Variants in FAF1 observed in about 807,000 individuals in gnomAD.
FAF1 encodes the protein Fas associated factor 1.
In FAF1, 25 loss-of-function variants were observed where a neutral mutation model predicts 92.5. The ratio of observed to expected loss-of-function variants is 0.27; its 90% confidence interval spans 0.20 to 0.38. The LOEUF is 0.38. FAF1 is among the 10% of genes least tolerant of loss of function. The pLI is 1.00. For missense variants in FAF1, 636 were observed against 793.3 expected (o/e 0.80, Z 2.38); for synonymous variants, 234 against 273.2 (o/e 0.86, Z 1.42).
intron 7 of FAF1, among the ~76,000 whole-genome samples, chr1:50,687,164 A>G (rs1292639965): frequency 2.0e-5 from 3 of 152,112 alleles, no homozygotes; most frequent in African/African-American, 7.2e-5. Flanking sequence ...CCCAAGTGGC[A>G]TAATTCCCGA....
At chr1:50,525,832 T>A (rs1415066820) in intron 15 of FAF1, among the ~76,000 whole-genome samples, 2 of 152,212 alleles carry the variant, frequency 1.3e-5, no homozygotes, top group Non-Finnish European at 2.9e-5. Context: ...CAGATTATGT[T>A]GCATAATAAT....
chr1:50,883,899 C>T (rs1391964715), intron 1 of FAF1, among the ~76,000 whole-genome samples: 10 of 151,028 alleles, frequency 6.6e-5, no homozygotes, highest in South Asian at 2.1e-4. Flanking sequence ...GTGAGGCAGG[C>T]GGATCACCTG....
At chr1:50,578,259 C>A (rs575753880) in intron 12 of FAF1, among the ~76,000 whole-genome samples, 20 of 152,168 alleles carry the variant, frequency 1.3e-4, no homozygotes, top group Admixed American at 4.6e-4. Flanking sequence ...AATTAATGTA[C>A]CTCCCCTCCC....
rs1439244918 is a variant in FAF1 at position 50,439,843 on chromosome 1, T to C, written c.*1597A>G. The stretch of plus-strand genomic sequence containing the variant: ...AACACTTCCCCTGAAGGGAGACCCA[T>C]GGGTCTCTCAGCCTCCCTAGAGAGA... On this transcript the variant is annotated 3_prime_UTR_variant, in exon 19 of 19. Transcript: ENST00000396153. 2.0e-5 allele frequency: 3 copies of C among 152,144 alleles called. No homozygotes were observed. The allele number at this position is 152,144 out of a possible 1,614,324, so 9.4% of individuals were successfully genotyped here.
intron 12 of FAF1, among the ~76,000 whole-genome samples, chr1:50,580,840 T>C (rs1468617575): frequency 6.6e-6 from 1 of 152,164 alleles, no homozygotes; most frequent in African/African-American, 2.4e-5. Flanking sequence ...GGCATGATCT[T>C]GGCTCACTGC....
intron 13 of FAF1, among the ~76,000 whole-genome samples, chr1:50,554,364 AAT>A (rs149420376): frequency 0.044 from 5,115 of 116,986 alleles, 160 homozygotes; most frequent in Non-Finnish European, 0.058. Flanking sequence ...AAATGAGGTA[AAT>A]ATATATATAT....
chr1:50,455,733 TAGA>T (rs1321277561), intron 18 of FAF1, among the ~76,000 whole-genome samples: 1 of 152,244 alleles, frequency 6.6e-6, no homozygotes, highest in East Asian at 1.9e-4. Flanking sequence ...AACAAGTGGC[TAGA>T]AGAATTAAAA....
chr1:50,582,472 C>T (rs181710172), intron 12 of FAF1, 146 bp downstream of exon 12: 34 of 610,776 alleles, frequency 5.6e-5, no homozygotes, highest in African/African-American at 5.5e-4. Flanking sequence ...GGCCCATGCA[C>T]AATGATGACA....
intron 4 of FAF1, among the ~76,000 whole-genome samples, chr1:50,746,265 TATATATATATATATATATATATATA>T (rs1474230133): frequency 1.0e-3 from 21 of 20,192 alleles, no homozygotes; most frequent in African/African-American, 2.5e-3. Context: ...TATATATATA[TATATATATATATATATATATATATA>T]TATTTTTTTT....
chr1:50,829,718 C>T (rs1644135678), intron 2 of FAF1, among the ~76,000 whole-genome samples: 1 of 152,192 alleles, frequency 6.6e-6, no homozygotes, highest in South Asian at 2.1e-4. Flanking sequence ...TTTTCCTATT[C>T]CACTTGTTTC....
chr1:50,535,935 CCT>C (rs1648456700), intron 14 of FAF1, among the ~76,000 whole-genome samples: 1 of 152,074 alleles, frequency 6.6e-6, no homozygotes, highest in African/African-American at 2.4e-5. Context: ...CTCAAAAAAA[CCT>C]CTCTGACTAA....
At chr1:50,935,403 C>T (rs1479506841) in intron 1 of FAF1, among the ~76,000 whole-genome samples, 2 of 152,144 alleles carry the variant, frequency 1.3e-5, no homozygotes, top group Middle Eastern at 3.4e-3. Context: ...TGGTCTCAAA[C>T]TCCTGCCTCG....
chr1:50,912,054 G>A (rs180851633), intron 1 of FAF1, among the ~76,000 whole-genome samples: 12 of 150,808 alleles, frequency 8.0e-5, no homozygotes, highest in Admixed American at 7.3e-4. Flanking sequence ...AAAAAAGGCA[G>A]AGTATTTAGA....
chr1:50,903,626 A>G (rs1303518821), intron 1 of FAF1, among the ~76,000 whole-genome samples: 1 of 152,214 alleles, frequency 6.6e-6, no homozygotes, highest in Non-Finnish European at 1.5e-5. Context: ...AGAGGACATC[A>G]GGAGAAAAAG....
intron 18 of FAF1, among the ~76,000 whole-genome samples, chr1:50,448,937 C>CTTT (rs61654181): frequency 8.0e-6 from 1 of 124,558 alleles, no homozygotes. Flanking sequence ...AGGGTCACAG[C>CTTT]TTTTTTTTTT....
chr1:50,888,707 A>T (rs914945592), intron 1 of FAF1, among the ~76,000 whole-genome samples: 4 of 152,146 alleles, frequency 2.6e-5, no homozygotes, highest in Non-Finnish European at 5.9e-5. Flanking sequence ...CATCCCAGGG[A>T]TGAAGCCCAC....
intron 18 of FAF1, among the ~76,000 whole-genome samples, chr1:50,468,437 T>A (rs1305735698): frequency 7.0e-6 from 1 of 142,358 alleles, no homozygotes; most frequent in Non-Finnish European, 1.5e-5. Context: ...GGATTACAGG[T>A]GCACGCCACT....
intron 9 of FAF1, among the ~76,000 whole-genome samples, chr1:50,588,373 T>A (rs1651340567): frequency 6.6e-6 from 1 of 152,190 alleles, no homozygotes; most frequent in Non-Finnish European, 1.5e-5. Flanking sequence ...TTACTAGAGT[T>A]TATTGGTTCC....
At chr1:50,596,973 T>C (rs1440503859) in intron 8 of FAF1, among the ~76,000 whole-genome samples, 5 of 152,168 alleles carry the variant, frequency 3.3e-5, no homozygotes, top group Non-Finnish European at 7.3e-5. Context: ...TGAATATACA[T>C]ACATAGGACA....
Sources: allele counts gnomAD v4.1 joint callset (sites outside exome capture counted in the v4.1 genomes callset), GRCh38; gene constraint gnomAD v4.1.1; transcripts MANE v1.5; gene names NCBI Gene and HGNC (gene_info 2026-07-23, HGNC 2026-07-21).